Variants in CDC42BPB observed in about 807,000 individuals in gnomAD.
CDC42BPB encodes serine/threonine-protein kinase MRCK beta.
A neutral mutation model predicts 214.9 loss-of-function variants in CDC42BPB; 37 were observed. The ratio of observed to expected loss-of-function variants is 0.17; its 90% CI spans 0.13 to 0.23. CDC42BPB has a LOEUF of 0.23. CDC42BPB is among the 10% of genes least tolerant of loss of function. The probability of loss-of-function intolerance (pLI) is 1.00; values close to 1 mark genes in which losing one functional copy is unlikely to be tolerated. For missense variants in CDC42BPB, 1,694 were observed against 2,227.0 expected (o/e 0.76, Z 4.82); for synonymous variants, 931 against 884.0 (o/e 1.05, Z -0.94).
intron 1 of CDC42BPB, among the ~76,000 whole-genome samples, chr14:103,019,255 C>T (rs774816637): frequency 6.6e-6 from 1 of 152,156 alleles, no homozygotes; most frequent in Non-Finnish European, 1.5e-5. Flanking sequence ...TGCTAAGGCC[C>T]TAGAGACACG....
chr14:103,003,420 G>A (rs889774332), intron 4 of CDC42BPB, among the ~76,000 whole-genome samples: 1 of 152,230 alleles, frequency 6.6e-6, no homozygotes, highest in Non-Finnish European at 1.5e-5. Flanking sequence ...TGTCCTGAAA[G>A]CAAGCCCTGT....
At chr14:102,950,064 G>A (rs1892414906) in intron 25 of CDC42BPB, 160 bp from the exon 26 acceptor site, 1 of 985,368 alleles carries the variant, frequency 1.0e-6, no homozygotes, top group African/African-American at 1.7e-5. Context: ...TTGCTGGGGA[G>A]GGGTCCATGC....
intron 20 of CDC42BPB, among the ~76,000 whole-genome samples, chr14:102,962,191 C>G (rs1892992540): frequency 6.6e-6 from 1 of 152,200 alleles, no homozygotes; most frequent in Non-Finnish European, 1.5e-5. Flanking sequence ...GGCAGAAACC[C>G]CTCATGCAAA....
intron 9 of CDC42BPB, among the ~76,000 whole-genome samples, chr14:102,976,735 G>C (rs1427358788): frequency 6.6e-6 from 1 of 152,236 alleles, no homozygotes; most frequent in Non-Finnish European, 1.5e-5. Flanking sequence ...GAGAAGACCT[G>C]GTCAGTGTTT....
Position 102,980,863 on chromosome 14 carries a change from T to A in CDC42BPB, c.1050A>T (p.Ile350=). The change falls in exon 8 of 37, where the codon ATA becomes ATT. Residue 350 remains isoleucine, a synonymous_variant. Coordinates refer to ENST00000361246, the MANE Select transcript of CDC42BPB (RefSeq NM_006035.4). The part of the protein sequence containing the change: ...AFFEGLNWEN[I]RNLEAPYIPD... The stretch of plus-strand genomic sequence containing the variant: ...GAATATAAGGTGCTTCTAGGTTTCG[T>A]ATATTTTCCCAATTTAGACCTTCAA... The A allele has an allele frequency of 6.2e-7, 1 of 1,614,214 alleles. No individual in the cohort carries two copies. The highest frequency in any genetic ancestry group is 8.5e-7 in the Non-Finnish European group (1 of 1,180,042).
chr14:103,048,532 C>G (rs866656225), intron 1 of CDC42BPB, among the ~76,000 whole-genome samples: 1 of 42,656 alleles, frequency 2.3e-5, no homozygotes, highest in Middle Eastern at 0.021. Flanking sequence ...ACTAAAAATA[C>G]AAAAAAAAAA....
At chr14:102,993,953 G>A (rs1218581905) in intron 5 of CDC42BPB, among the ~76,000 whole-genome samples, 1 of 152,188 alleles carries the variant, frequency 6.6e-6, no homozygotes, top group Non-Finnish European at 1.5e-5. Context: ...ATGGAAGGCA[G>A]GGCAATTCAG....
intron 13 of CDC42BPB, 68 bp from the exon 14 acceptor site, chr14:102,970,329 C>CACGGGACCTCCACAAGA: frequency 6.5e-7 from 1 of 1,533,464 alleles, no homozygotes; most frequent in Non-Finnish European, 8.8e-7. Context: ...CAGCAGCACC[C>CACGGGACCTCCACAAGA]ACGGGACCTC....
At chr14:103,053,536 C>T (rs148645962) in intron 1 of CDC42BPB, among the ~76,000 whole-genome samples, 2,673 of 151,576 alleles carry the variant, frequency 0.018, 38 homozygotes, top group Non-Finnish European at 0.027. Context: ...CCAAGGGGGG[C>T]AGATCACGAG....
chr14:103,053,677 A>T (rs556254881), intron 1 of CDC42BPB, among the ~76,000 whole-genome samples: 5 of 146,570 alleles, frequency 3.4e-5, no homozygotes, highest in East Asian at 2.2e-4. Context: ...CAGGAGAACA[A>T]CGTGAACCCG....
chr14:102,966,562 A>G (rs759549422), intron 17 of CDC42BPB, 175 bp from the exon 18 acceptor site: 232 of 974,310 alleles, frequency 2.4e-4, no homozygotes, highest in Non-Finnish European at 2.7e-4. Context: ...GCGTCGTTAC[A>G]TTGCACATGA....
chr14:103,050,984 T>G (rs1888571677), intron 1 of CDC42BPB, among the ~76,000 whole-genome samples: 1 of 152,110 alleles, frequency 6.6e-6, no homozygotes, highest in African/African-American at 2.4e-5. Flanking sequence ...TCCAAAGAAG[T>G]TCTCTATTAC....
In CDC42BPB at chr14:102,933,729, G is replaced by T; in HGVS notation, c.5119C>A (p.Pro1707Thr). The part of the protein sequence containing the change: ...SQLPLEGLEQ[P>T]ACDT ...TGGCGGCTTCAGGTGTCACAGGCCG[G>T]CTGCTCCAGGCCTTCGAGGGGGAGC... The change falls in exon 37 of 37, where the codon CCG becomes ACG. Residue 1707 changes from proline (P) to threonine (T), a missense_variant. Transcript: ENST00000361246. 6.8e-7 allele frequency: 1 copy of T among 1,480,424 alleles called. No homozygotes were observed. The highest frequency in any genetic ancestry group is 1.5e-5 in the African/African-American group (1 of 67,906). The allele number at this position is 1,480,424 out of a possible 1,614,324, so 91.7% of individuals were successfully genotyped here.
chr14:102,972,847 T>G (rs1351739021), intron 12 of CDC42BPB, among the ~76,000 whole-genome samples: 1 of 151,752 alleles, frequency 6.6e-6, no homozygotes, highest in East Asian at 1.9e-4. Context: ...ATGAAGCATT[T>G]GGGCACTCAA....
chr14:102,978,185 A>G lies in CDC42BPB; in HGVS notation c.1161T>C (p.Ser387=). Residue 387 remains serine, a synonymous_variant, in exon 9 of 37, where the codon TCT becomes TCC. Transcript: ENST00000361246. ...LRNTEILPPG[S]HTGFSGLHLP... ...AATGTAATCCAGAAAAGCCTGTGTG[A>G]GAACCAGGAGGTAATATTTCCTGCA... The G allele has an allele frequency of 6.2e-7, 1 of 1,613,302 alleles. No homozygotes were observed. The highest frequency in any genetic ancestry group is 1.3e-5 in the African/African-American group (1 of 75,062).
intron 3 of CDC42BPB, among the ~76,000 whole-genome samples, chr14:103,007,883 A>G (rs1023975811): frequency 6.6e-6 from 1 of 152,164 alleles, no homozygotes; most frequent in Admixed American, 6.5e-5. Flanking sequence ...GAAACTCAAG[A>G]TGGCCAGAGA....
chr14:103,030,563 G>T (rs1887311808), intron 1 of CDC42BPB, among the ~76,000 whole-genome samples: 1 of 152,182 alleles, frequency 6.6e-6, no homozygotes, highest in Non-Finnish European at 1.5e-5. Flanking sequence ...GAGTGTGGTG[G>T]TGCACGCCTG....
At chr14:102,981,202 G>A in intron 7 of CDC42BPB, 181 bp from the exon 8 acceptor site, 4 of 985,198 alleles carry the variant, frequency 4.1e-6, no homozygotes, top group Non-Finnish European at 4.8e-6. Context: ...AAAACCAGTG[G>A]TCCTTCTGGT....
At chr14:102,973,894 A>G in intron 12 of CDC42BPB, 122 bp downstream of exon 12, 1 of 1,241,548 alleles carries the variant, frequency 8.1e-7, no homozygotes, top group East Asian at 2.6e-5. Flanking sequence ...GGCGTCCTGC[A>G]TGCAGCAGGG....
Sources: gnomAD v4.1 joint callset for allele counts (sites outside exome capture counted in the v4.1 genomes callset) on GRCh38, gnomAD v4.1.1 for gene constraint, MANE v1.5 for transcripts, NCBI Gene and HGNC (gene_info 2026-07-23, HGNC 2026-07-21) for gene names.